CASK: variants seen among roughly 807,000 people sequenced by gnomAD.
CASK encodes calcium/calmodulin dependent serine protein kinase, also known as peripheral plasma membrane protein CASK.
A neutral mutation model predicts 82.9 loss-of-function variants in CASK; 4 were observed. That is an observed-to-expected ratio of 0.05 (90% CI 0.02 to 0.11). CASK has a LOEUF of 0.11. Among genes scored for constraint, CASK ranks in the 10% least tolerant of loss-of-function variants. The pLI is 1.00. For synonymous variants in CASK, 259 were observed against 253.5 expected, an observed-to-expected ratio of 1.02 and a Z score of -0.20; for missense variants, 358 against 720.9, an observed-to-expected ratio of 0.50 and a Z score of 5.76.
chrX:41,569,900 G>A (rs1488305376), intron 15 of CASK, among the ~76,000 whole-genome samples, 154 bp from the exon 16 acceptor site: 1 of 108,904 alleles, frequency 9.2e-6, no homozygotes, highest in East Asian at 2.9e-4. Flanking sequence ...AGTATGCCAC[G>A]CACACAAAAT....
chrX:41,874,441 TG>T (rs1464887388), intron 1 of CASK, among the ~76,000 whole-genome samples: 1 of 112,162 alleles, frequency 8.9e-6, no homozygotes, highest in Non-Finnish European at 1.9e-5. Flanking sequence ...CTTCTGTTCG[TG>T]TATTAGTTTG....
chrX:41,625,942 CT>C (rs748063155), intron 10 of CASK, among the ~76,000 whole-genome samples: 135 of 40,340 alleles, frequency 3.3e-3, no homozygotes, highest in Non-Finnish European at 4.7e-3. Flanking sequence ...GCACGCCTGG[CT>C]TTTTTTTTTT....
rs1252488787 is a variant in CASK, at chrX:41,611,664, T to C, written c.1034-1639A>G. Among the ~76,000 whole-genome samples the C allele has an allele frequency of 3.5e-3, 89 of 25,560 alleles. 1 individual carries two copies. The highest frequency in any genetic ancestry group is 0.015 in the African/African-American group (80 of 5,311). 22.2% of individuals were successfully genotyped at this position (25,560 alleles called of 115,157 possible). A position where few individuals can be genotyped will look rare whatever the true frequency, so the allele number is the denominator to read the frequency against. On this transcript the variant is annotated intron_variant, in intron 11 of 26. Coordinates refer to ENST00000378163, the MANE Select transcript of CASK (RefSeq NM_001367721.1). ...CCCTCTCTCTCTCCCTCTCCCTCTCTCTCTCCCTCTCCCTCTCTCTCTCCC... is the reference window on the plus strand; with the variant it reads ...CCCTCTCTCTCTCCCTCTCCCTCTCCCTCTCCCTCTCCCTCTCTCTCTCCC...
chrX:41,544,564 T>TAAAA (rs752196101), intron 21 of CASK, among the ~76,000 whole-genome samples: 2 of 48,380 alleles, frequency 4.1e-5, no homozygotes, highest in African/African-American at 8.1e-5. Flanking sequence ...AGACCTTGTC[T>TAAAA]AAAAAAAAAA....
chrX:41,568,516 G>A (rs2147176143), intron 16 of CASK, among the ~76,000 whole-genome samples: 1 of 110,592 alleles, frequency 9.0e-6, no homozygotes, highest in East Asian at 2.9e-4. Context: ...GCTCTCTGGG[G>A]GTAAGGAAAG....
chrX:41,559,657 G>T, intron 18 of CASK, 122 bp downstream of exon 18: 1 of 577,555 alleles, frequency 1.7e-6, no homozygotes, highest in Non-Finnish European at 3.0e-6. Flanking sequence ...TTGTAAAATT[G>T]GTGTGCAGTG....
chrX:41,838,379 C>T (rs753670516), intron 2 of CASK, among the ~76,000 whole-genome samples: 4 of 111,936 alleles, frequency 3.6e-5, no homozygotes, highest in African/African-American at 1.3e-4. Context: ...TTTTCATCTA[C>T]GAATTGTGCA....
Position 41,774,666 on chromosome X carries a change from GGT to G in CASK, c.278+12510_278+12511del, listed in dbSNP as rs200024215. Among the ~76,000 whole-genome samples the G allele has an allele frequency of 4.0e-3, 440 of 110,973 alleles. 2 individuals are homozygous for G. The highest frequency in any genetic ancestry group is 0.014 in the African/African-American group (431 of 30,538). On this transcript the variant is annotated intron_variant, in intron 3 of 26. Transcript: ENST00000378163. ...AAGGCTACAGTAACCAAAACAGCAT[GGT>G]ACTGGTACCAAAACAGAGATATAGA...
chrX:41,790,259 GT>G, intron 2 of CASK: 1 of 841,728 alleles, frequency 1.2e-6, no homozygotes, highest in Non-Finnish European at 1.5e-6. Context: ...TGGAGATGGG[GT>G]TTTACCGTGT....
intron 5 of CASK, among the ~76,000 whole-genome samples, chrX:41,715,351 G>A (rs2068042120): frequency 8.9e-6 from 1 of 111,820 alleles, no homozygotes; most frequent in East Asian, 2.8e-4. Context: ...TGGACGTGGT[G>A]GCTCATGCCT....
chrX:41,749,376 ATTTTTTTTTTTT>A (rs35045589), intron 3 of CASK, among the ~76,000 whole-genome samples: 92 of 72,389 alleles, frequency 1.3e-3, no homozygotes, highest in African/African-American at 4.1e-3. Context: ...TTCTTCACCA[ATTTTTTTTTTTT>A]TTTTTTTTTT....
chrX:41,921,687 CA>C (rs2072783715), intron 1 of CASK, among the ~76,000 whole-genome samples: 1 of 110,480 alleles, frequency 9.1e-6, no homozygotes, highest in Non-Finnish European at 1.9e-5. Flanking sequence ...AAGCTCTACC[CA>C]CAATTTCACC....
chrX:41,530,717 T>C (rs2064789423), intron 25 of CASK, among the ~76,000 whole-genome samples: 1 of 112,252 alleles, frequency 8.9e-6, no homozygotes, highest in African/African-American at 3.2e-5. Flanking sequence ...GATCGTAGGA[T>C]TTCTGGCAGG....
chrX:41,621,581 T>A (rs950436153), intron 11 of CASK, among the ~76,000 whole-genome samples: 4 of 111,520 alleles, frequency 3.6e-5, no homozygotes, highest in African/African-American at 9.8e-5. Context: ...GACCACAATC[T>A]CATGAGAGAT....
chrX:41,594,355 C>T (rs1009049391), intron 12 of CASK, among the ~76,000 whole-genome samples: 1 of 112,117 alleles, frequency 8.9e-6, no homozygotes, highest in Non-Finnish European at 1.9e-5. Context: ...TGCACCCTCC[C>T]TCATACAAAG....
intron 12 of CASK, among the ~76,000 whole-genome samples, chrX:41,596,194 CAA>C (rs146680841): frequency 2.4e-4 from 15 of 61,542 alleles, no homozygotes; most frequent in Admixed American, 2.1e-4. Flanking sequence ...GACTCTGTCT[CAA>C]AAAAAAAAAA....
At chrX:41,757,668 A>G (rs7066586) in intron 3 of CASK, among the ~76,000 whole-genome samples, 13 of 111,499 alleles carry the variant, frequency 1.2e-4, no homozygotes, top group Admixed American at 2.9e-4. Context: ...TAGTGCTACC[A>G]TGTCTGGCTA....
intron 5 of CASK, among the ~76,000 whole-genome samples, chrX:41,730,713 C>G (rs1305945098): frequency 9.0e-6 from 1 of 110,637 alleles, no homozygotes; most frequent in African/African-American, 3.3e-5. Flanking sequence ...TAGTTTTATT[C>G]TTTTTATGAG....
At chrX:41,838,238 G>A (rs2070964400) in intron 2 of CASK, among the ~76,000 whole-genome samples, 1 of 112,316 alleles carries the variant, frequency 8.9e-6, no homozygotes, top group Non-Finnish European at 1.9e-5. Flanking sequence ...GGATAATGAT[G>A]TTGAACATAT....
Sources: allele counts gnomAD v4.1 joint callset (sites outside exome capture counted in the v4.1 genomes callset), GRCh38; gene constraint gnomAD v4.1.1; transcripts MANE v1.5; gene names NCBI Gene and HGNC (gene_info 2026-07-23, HGNC 2026-07-21).